The following ARID5B variants were observed in gnomAD, a reference collection of about 807,000 sequenced individuals.
The protein encoded by ARID5B is AT-rich interactive domain-containing protein 5B.
ARID5B carries 13 observed loss-of-function variants against 97.2 expected under a neutral mutation model. The observed-to-expected ratio is 0.13, with a 90% CI of 0.09 to 0.21. The LOEUF (loss-of-function observed/expected upper bound fraction) is 0.21. Among genes scored for constraint, ARID5B ranks in the 10% least tolerant of loss-of-function variants. ARID5B has a pLI of 1.00. For missense variants in ARID5B, 1,210 were observed against 1,465.3 expected, an observed-to-expected ratio of 0.83 and a Z score of 2.84; for synonymous variants, 556 against 570.3, an observed-to-expected ratio of 0.97 and a Z score of 0.36.
chr10:62,074,379 C>T (rs1265199048), intron 8 of ARID5B, among the ~76,000 whole-genome samples: 1 of 152,190 alleles, frequency 6.6e-6, no homozygotes, highest in African/African-American at 2.4e-5. Context: ...GATTGTCACC[C>T]TGCATGGCTG....
At chr10:61,924,907 A>G (rs1310506916) in intron 2 of ARID5B, among the ~76,000 whole-genome samples, 1 of 151,966 alleles carries the variant, frequency 6.6e-6, no homozygotes, top group African/African-American at 2.4e-5. Context: ...ATGTGCCTGC[A>G]AAAGTGGATG....
At position 62,000,390 on chromosome 10, in the gene ARID5B, A is replaced by T. The variant is rs1421089708; in HGVS notation, c.733+69A>T. 2.8e-6 allele frequency: 4 copies of T among 1,405,930 alleles called. No individual in the cohort carries two copies. The African/African-American group carries it at 5.8e-5, about 20-fold the overall frequency. 87.1% of individuals were successfully genotyped at this position (1,405,930 alleles called of 1,614,324 possible). A position where few individuals can be genotyped will look rare whatever the true frequency, so the allele number is the denominator to read the frequency against. ...TGCCTAGTTGTTTTCAGTTCTTCTGAAGAGCGGTGATGGGGAACGGGGCTC... is the reference window on the plus strand; with the variant it reads ...TGCCTAGTTGTTTTCAGTTCTTCTGTAGAGCGGTGATGGGGAACGGGGCTC... On this transcript the variant is annotated intron_variant, in intron 4 of 9. Coordinates refer to ENST00000279873, the MANE Select transcript of ARID5B (RefSeq NM_032199.3). This position sits in a 1 kb window ranked among gnomAD's most constrained non-coding sequence, Gnocchi z 4.4.
At chr10:61,903,050 A>T (rs1386071627) in intron 2 of ARID5B, among the ~76,000 whole-genome samples, 1 of 152,116 alleles carries the variant, frequency 6.6e-6, no homozygotes, top group Non-Finnish European at 1.5e-5. Context: ...CAAACACGTT[A>T]AGCATTAACA....
intron 2 of ARID5B, among the ~76,000 whole-genome samples, chr10:61,927,008 C>T (rs1844119061): frequency 6.6e-6 from 1 of 152,090 alleles, no homozygotes; most frequent in South Asian, 2.1e-4. Context: ...ACTTTTACAG[C>T]AATCTAATAA....
intron 4 of ARID5B, among the ~76,000 whole-genome samples, chr10:62,008,332 G>A (rs12255636): frequency 0.015 from 2,268 of 152,256 alleles, 54 homozygotes; most frequent in African/African-American, 0.051. Context: ...ATCAGCATAC[G>A]TGCTCAGTGT....
intron 3 of ARID5B, among the ~76,000 whole-genome samples, chr10:61,969,497 C>T (rs574044439): frequency 2.0e-5 from 3 of 151,958 alleles, no homozygotes; most frequent in Admixed American, 6.6e-5. Flanking sequence ...GGTCTTTGCT[C>T]GACAGCTGGA....
At position 62,069,736 on chromosome 10, in the gene ARID5B, G is replaced by A; in HGVS notation, c.1138G>A (p.Glu380Lys). ...CCGTCAGTGGAAACATATTTATGAT[G>A]AATTAGGCGGTAATCCTGGGAGCAC... is the stretch of plus-strand genomic sequence containing the variant. The part of the protein sequence containing the change: ...ARRQWKHIYD[E>K]LGGNPGSTSA... Residue 380 changes from glutamate (E) to lysine (K), a missense_variant, in exon 8 of 10, where the codon GAA becomes AAA. Physicochemically the swap from Glu to Lys is moderately conservative, Grantham distance 56. Transcript: ENST00000279873. 6.2e-7 allele frequency: 1 copy of A among 1,614,094 alleles called. No individual in the cohort carries two copies.
intron 3 of ARID5B, among the ~76,000 whole-genome samples, chr10:61,954,284 G>T (rs980883543): frequency 6.6e-6 from 1 of 151,986 alleles, no homozygotes; most frequent in Non-Finnish European, 1.5e-5. Context: ...TTGAACCTGG[G>T]GGGTGGGGGT....
Position 62,081,747 on chromosome 10 carries a change from A to G in ARID5B, c.1200-3955A>G, listed in dbSNP as rs1056761422. 7.9e-5 allele frequency among the ~76,000 whole-genome samples: 12 copies of G among 152,374 alleles called. 1 individual carries two copies. The East Asian group carries it at 2.1e-3, about 27-fold the overall frequency. On this transcript the variant is annotated intron_variant, in intron 8 of 9. Coordinates refer to ENST00000279873, the MANE Select transcript of ARID5B (RefSeq NM_032199.3). ...GTTGGCAGGTTGCCAGATTACTTAC[A>G]TTACAGTAATAGATTTGCTGACCCC...
chr10:62,008,315 T>C (rs1307962802), intron 4 of ARID5B, among the ~76,000 whole-genome samples: 1 of 152,180 alleles, frequency 6.6e-6, no homozygotes, highest in Non-Finnish European at 1.5e-5. Context: ...GGCCAGCAAT[T>C]GGCAAAATCA....
At chr10:61,955,292 A>T (rs1452676498) in intron 3 of ARID5B, among the ~76,000 whole-genome samples, 1 of 152,242 alleles carries the variant, frequency 6.6e-6, no homozygotes, top group Non-Finnish European at 1.5e-5. Context: ...GGGAAAAAAC[A>T]GGCACAAGTG....
intron 3 of ARID5B, among the ~76,000 whole-genome samples, chr10:61,988,870 T>C (rs1402016635): frequency 6.6e-6 from 1 of 152,020 alleles, no homozygotes; most frequent in East Asian, 1.9e-4. Flanking sequence ...ATACACACTA[T>C]ATTTTGAGAG....
chr10:61,945,017 T>C (rs996744151), intron 3 of ARID5B, among the ~76,000 whole-genome samples: 1 of 152,198 alleles, frequency 6.6e-6, no homozygotes, highest in South Asian at 2.1e-4. Context: ...CCCCCTTTCT[T>C]CTGTTGCTGG....
intron 3 of ARID5B, among the ~76,000 whole-genome samples, chr10:61,967,460 G>A (rs1838561743): frequency 6.6e-6 from 1 of 152,178 alleles, no homozygotes; most frequent in Admixed American, 6.5e-5. Flanking sequence ...AATTCTTTGT[G>A]TGTGAACACA....
chr10:61,941,978 T>C (rs75526350), intron 3 of ARID5B, among the ~76,000 whole-genome samples: 7,598 of 152,302 alleles, frequency 0.05, 259 homozygotes, highest in East Asian at 0.13. Flanking sequence ...TTGTCTTATG[T>C]TTTCCTTAAC....
intron 3 of ARID5B, among the ~76,000 whole-genome samples, chr10:61,966,050 A>G (rs918530182): frequency 1.3e-5 from 2 of 152,180 alleles, no homozygotes; most frequent in Non-Finnish European, 2.9e-5. Flanking sequence ...TGTTGCAGAA[A>G]GTAAAGATAT....
rs1840399090 is a variant in ARID5B, at chr10:62,092,619, A to T, written c.3156A>T (p.Glu1052Asp). 9 of 1,614,202 alleles carry T rather than the reference A, an allele frequency of 5.6e-6. No homozygotes were observed. The highest frequency in any genetic ancestry group is 7.6e-6 in the Non-Finnish European group (9 of 1,180,018). The change falls in exon 10 of 10, where the codon GAA (glutamate) becomes GAT (aspartate). Residue 1052 changes from glutamate to aspartate, a missense_variant. Physicochemically the swap from Glu to Asp is conservative, Grantham distance 45. This residue lies in a region of ARID5B where 800 missense variants were observed against 839.1 expected (regional missense o/e 0.95). Transcript: ENST00000279873. ...GKEKASEQES[E>D]GSKAAHGGHS... ...AGAAGGCCTCTGAGCAGGAGAGTGAAGGCAGCAAAGCAGCGCACGGTGGGC... is the reference window on the plus strand; with the variant it reads ...AGAAGGCCTCTGAGCAGGAGAGTGATGGCAGCAAAGCAGCGCACGGTGGGC...
At chr10:61,922,151 C>T (rs1025929340) in intron 2 of ARID5B, among the ~76,000 whole-genome samples, 8 of 152,214 alleles carry the variant, frequency 5.3e-5, no homozygotes, top group African/African-American at 1.7e-4. Context: ...GTCAACAAGC[C>T]ATATCGGGTC....
intron 2 of ARID5B, among the ~76,000 whole-genome samples, chr10:61,921,673 G>C (rs868565872): frequency 6.6e-6 from 1 of 152,080 alleles, no homozygotes; most frequent in African/African-American, 2.4e-5. Flanking sequence ...CCAAGAGCAG[G>C]AGATTATTAG....
Sources: allele counts gnomAD v4.1 joint callset (sites outside exome capture counted in the v4.1 genomes callset), GRCh38; gene constraint gnomAD v4.1.1; regional missense constraint gnomAD v4.1.1; non-coding constraint Gnocchi (gnomAD v3.1); transcripts MANE v1.5; gene names NCBI Gene and HGNC (gene_info 2026-07-23, HGNC 2026-07-21).